Variants in TRIM16 observed in about 807,000 individuals in gnomAD.
TRIM16 encodes tripartite motif containing 16.
A neutral mutation model predicts 50.4 loss-of-function variants in TRIM16; 33 were observed. The observed-to-expected ratio is 0.65, with a 90% CI of 0.50 to 0.88. The LOEUF is 0.88. Ranked by LOEUF, TRIM16 falls within the 40% of genes least tolerant of loss-of-function variation. The pLI, the probability that TRIM16 is intolerant of heterozygous loss-of-function variation, is 0.00. For synonymous variants in TRIM16, 229 were observed against 270.7 expected (o/e 0.85, Z 1.51); for missense variants, 581 against 686.8 (o/e 0.85, Z 1.72).
At chr17:15,683,874 G>T (rs555853088) in intron 1 of TRIM16, 3 of 152,330 alleles carry the variant, frequency 2.0e-5, no homozygotes, top group Non-Finnish European at 1.5e-5. Flanking sequence ...TAAGGGACGC[G>T]TTGGTGCCTA....
At chr17:15,656,802 T>C (rs1463675318) in intron 6 of TRIM16, among the ~76,000 whole-genome samples, 1 of 152,164 alleles carries the variant, frequency 6.6e-6, no homozygotes, top group Non-Finnish European at 1.5e-5. Context: ...GCCCAGGCTG[T>C]AACGTAGTGG....
At position 15,642,128 on chromosome 17, in the gene TRIM16, G is replaced by A. The variant is rs1987144113; in HGVS notation, c.615+593C>T. ...CAAAGTGTTGGGATTACAGGTGTGAGCCACTGTGCCCGGCCTGTTTTGCAT... is the reference window on the plus strand; with the variant it reads ...CAAAGTGTTGGGATTACAGGTGTGAACCACTGTGCCCGGCCTGTTTTGCAT... On this transcript the variant is annotated intron_variant, in intron 8 of 11. Coordinates refer to ENST00000649191, the MANE Select transcript of TRIM16 (RefSeq NM_001348119.1). Among the ~76,000 whole-genome samples, 5 of 149,082 alleles carry A rather than the reference G, an allele frequency of 3.4e-5. No individual in the cohort carries two copies. The South Asian group carries it at 1.1e-3, about 32-fold the overall frequency.
rs1363766119 is a variant in TRIM16 at position 15,636,239 on chromosome 17, C to T, written c.646G>A (p.Glu216Lys). The change falls in exon 9 of 12, where the codon GAA becomes AAA. Residue 216 changes from glutamate to lysine, a missense_variant. Glu to Lys is a moderately conservative substitution (Grantham distance 56). Transcript: ENST00000649191. ...GCAAGGAGTTCCCCAAACTGCATTT[C>T]AGCCACCGCTTTGACCTCTGACACC... Reference protein sequence around the residue: ...VSVSEVKAVAEMQFGELLAAV... With the variant: ...VSVSEVKAVAKMQFGELLAAV... The T allele has an allele frequency of 6.2e-7, 1 of 1,608,684 alleles. No individual in the cohort carries two copies. The highest frequency in any genetic ancestry group is 1.7e-5 in the Admixed American group (1 of 59,906).
intron 9 of TRIM16, among the ~76,000 whole-genome samples, chr17:15,635,341 C>T (rs1170764819): frequency 6.7e-6 from 1 of 148,748 alleles, no homozygotes; most frequent in Admixed American, 6.6e-5. Context: ...GTTCCTTCCT[C>T]GAAAGGTTAC....
chr17:15,684,238 G>GT lies in TRIM16; in HGVS notation c.-942dup, dbSNP rs1383186961. On this transcript the variant is annotated 5_prime_UTR_variant, in exon 1 of 12. Coordinates refer to ENST00000649191, the MANE Select transcript of TRIM16 (RefSeq NM_001348119.1). The stretch of plus-strand genomic sequence containing the variant: ...CCTCCCCGGTCCAGACACAGAGAGG[G>GT]TGTCTGCTCTGGGGGACAGGGAGGA... The GT allele has an allele frequency of 6.6e-6, 1 of 152,172 alleles. No individual in the cohort carries two copies. The highest frequency in any genetic ancestry group is 2.1e-4 in the South Asian group (1 of 4,814). The allele number at this position is 152,172 out of a possible 1,614,324, so 9.4% of individuals were successfully genotyped here.
chr17:15,647,036 G>A (rs998835749), intron 7 of TRIM16, among the ~76,000 whole-genome samples: 4 of 150,994 alleles, frequency 2.6e-5, no homozygotes, highest in African/African-American at 7.3e-5. Context: ...GCGCGATCTC[G>A]GTTCACTGCA....
chr17:15,648,568 C>T (rs988080270), intron 7 of TRIM16, among the ~76,000 whole-genome samples: 5 of 152,176 alleles, frequency 3.3e-5, no homozygotes, highest in Admixed American at 6.5e-5. Context: ...CATGCCTGTC[C>T]GAGTAATTAG....
intron 6 of TRIM16, among the ~76,000 whole-genome samples, chr17:15,665,251 G>A (rs55720262): frequency 0.021 from 3,144 of 151,396 alleles, 63 homozygotes; most frequent in Admixed American, 0.058. Context: ...AGTGGCTCAT[G>A]CCTGTAATCC....
At chr17:15,638,448 G>A (rs1394763900) in intron 8 of TRIM16, among the ~76,000 whole-genome samples, 1 of 148,418 alleles carries the variant, frequency 6.7e-6, no homozygotes, top group Non-Finnish European at 1.5e-5. Context: ...GCGGGCGCCT[G>A]TAGTCCCAGC....
intron 10 of TRIM16, chr17:15,632,024 T>C: frequency 2.6e-6 from 1 of 386,946 alleles, no homozygotes; most frequent in South Asian, 2.6e-5. Flanking sequence ...TCTTTGGGTC[T>C]CAATTGTAAA....
At chr17:15,639,743 G>A (rs1224377248) in intron 8 of TRIM16, among the ~76,000 whole-genome samples, 2 of 149,492 alleles carry the variant, frequency 1.3e-5, no homozygotes, top group Admixed American at 6.6e-5. Flanking sequence ...GTGGATGGGA[G>A]GCTCAGAGCA....
At chr17:15,644,449 C>T (rs536616568) in intron 7 of TRIM16, among the ~76,000 whole-genome samples, 1 of 152,314 alleles carries the variant, frequency 6.6e-6, no homozygotes, top group East Asian at 1.9e-4. Context: ...CTCGGCCTCC[C>T]AAAATGCTGG....
At chr17:15,677,548 A>T (rs1415895802) in intron 5 of TRIM16, 27 bp downstream of exon 5, 8 of 1,045,616 alleles carry the variant, frequency 7.7e-6, no homozygotes, top group African/African-American at 1.7e-5. Context: ...TGAAAGGTCA[A>T]TCTGGGGTGG....
intron 3 of TRIM16, among the ~76,000 whole-genome samples, chr17:15,681,945 C>T: frequency 6.6e-6 from 1 of 152,204 alleles, no homozygotes; most frequent in East Asian, 1.9e-4. Flanking sequence ...CTCCTGTAAT[C>T]CTTTGTCATT....
intron 6 of TRIM16, among the ~76,000 whole-genome samples, chr17:15,656,727 CTTCT>C (rs1399194652): frequency 6.6e-6 from 1 of 152,060 alleles, no homozygotes; most frequent in Non-Finnish European, 1.5e-5. Context: ...CTCTGAATGC[CTTCT>C]TTGTTTTTTA....
chr17:15,653,630 G>T (rs1421535738), intron 6 of TRIM16, among the ~76,000 whole-genome samples: 2 of 152,148 alleles, frequency 1.3e-5, no homozygotes, highest in African/African-American at 4.8e-5. Context: ...AGTAAGACTA[G>T]ATTAGGGCCC....
chr17:15,677,792 G>A (rs1383321866), intron 4 of TRIM16, 71 bp from the exon 5 acceptor site: 1 of 976,778 alleles, frequency 1.0e-6, no homozygotes. Flanking sequence ...ATTAAACTAT[G>A]TTCACAGTGT....
At chr17:15,667,982 G>C (rs897824110) in intron 6 of TRIM16, among the ~76,000 whole-genome samples, 1 of 151,586 alleles carries the variant, frequency 6.6e-6, no homozygotes, top group South Asian at 2.1e-4. Context: ...TATAACCCTT[G>C]AGTGATCTCA....
chr17:15,677,549 T>A, intron 5 of TRIM16, 26 bp downstream of exon 5: 1 of 1,046,104 alleles, frequency 9.6e-7, no homozygotes. Context: ...GAAAGGTCAA[T>A]CTGGGGTGGA....
Sources: gnomAD v4.1 joint callset for allele counts (sites outside exome capture counted in the v4.1 genomes callset) on GRCh38, gnomAD v4.1.1 for gene constraint, MANE v1.5 for transcripts, NCBI Gene and HGNC (gene_info 2026-07-23, HGNC 2026-07-21) for gene names.